REXO2: variants seen among roughly 807,000 people sequenced by gnomAD.
REXO2 encodes the protein RNA exonuclease 2.
Under a neutral mutation model 30.9 loss-of-function variants are expected in REXO2, and 17 were observed. That is an observed-to-expected ratio of 0.55 (90% confidence interval 0.38 to 0.82). The LOEUF is 0.82. Among genes scored for constraint, REXO2 ranks in the 40% least tolerant of loss-of-function variants. REXO2 has a pLI of 0.00. For missense variants in REXO2, 253 were observed against 293.2 expected (o/e 0.86, Z 1.00); for synonymous variants, 105 against 99.6 (o/e 1.05, Z -0.32).
At chr11:114,443,593 T>C (rs902346117) in intron 2 of REXO2, among the ~76,000 whole-genome samples, 10 of 151,966 alleles carry the variant, frequency 6.6e-5, no homozygotes, top group African/African-American at 2.4e-4. Flanking sequence ...ATAGCTGAAG[T>C]GTGGGGCCAT....
Position 114,439,547 on chromosome 11 carries a change from G to T in REXO2, c.19G>T (p.Gly7Cys). Residue 7 changes from glycine (G) to cysteine (C), a missense_variant, in exon 1 of 7, where the codon GGC becomes TGC. Transcript: ENST00000265881. Reference protein sequence around the residue: MLGGSLGSRLLRGVGGS... With the variant: MLGGSLCSRLLRGVGGS... ...CCGGGTGATGCTAGGCGGCTCCCTGGGCTCCAGGCTGTTGCGGGGTGTAGG... is the reference window on the plus strand; with the variant it reads ...CCGGGTGATGCTAGGCGGCTCCCTGTGCTCCAGGCTGTTGCGGGGTGTAGG... 1 of 1,608,456 alleles carries T rather than the reference G, an allele frequency of 6.2e-7. No homozygotes were observed. The highest frequency in any genetic ancestry group is 8.5e-7 in the Non-Finnish European group (1 of 1,179,510).
intron 2 of REXO2, among the ~76,000 whole-genome samples, chr11:114,443,341 C>A (rs530308637): frequency 6.7e-6 from 1 of 149,922 alleles, no homozygotes; most frequent in African/African-American, 2.5e-5. Context: ...TGGTCTTGAA[C>A]TACTGGCCTC....
chr11:114,444,395 G>T, intron 3 of REXO2, 146 bp from the exon 4 acceptor site: 1 of 669,042 alleles, frequency 1.5e-6, no homozygotes. Flanking sequence ...TGCAAAGATG[G>T]CAGTTGCAAT....
intron 1 of REXO2, chr11:114,440,255 A>G: frequency 4.8e-6 from 2 of 415,828 alleles, no homozygotes; most frequent in Admixed American, 2.9e-5. Context: ...CTCAGTTTAT[A>G]TGAAGTGAGG....
At chr11:114,449,457 A>G (rs1232064489) in intron 6 of REXO2, among the ~76,000 whole-genome samples, 3 of 151,932 alleles carry the variant, frequency 2.0e-5, no homozygotes, top group Non-Finnish European at 4.4e-5. Context: ...GAAATATAGG[A>G]CAGCTTCCTT....
Position 114,439,591 on chromosome 11 carries a change from C to T in REXO2, c.63C>T (p.Phe21=), listed in dbSNP as rs1360633205. Residue 21 remains phenylalanine, a synonymous_variant, in exon 1 of 7, where the codon TTC becomes TTT. Coordinates refer to ENST00000265881, the MANE Select transcript of REXO2 (RefSeq NM_015523.4). ...GTGTAGGTGGGAGTCACGGACGGTT[C>T]GGGGCCCGAGGTGTCCGCGAAGGTG... is the stretch of plus-strand genomic sequence containing the variant. ...LRGVGGSHGR[F]GARGVREGGA... The T allele has an allele frequency of 1.2e-6, 2 of 1,608,460 alleles. No individual in the cohort carries two copies. The highest frequency in any genetic ancestry group is 1.1e-5 in the South Asian group (1 of 90,890).
At chr11:114,449,053 A>G (rs1230649828) in intron 6 of REXO2, 1 of 152,244 alleles carries the variant, frequency 6.6e-6, no homozygotes, top group Admixed American at 6.5e-5. Flanking sequence ...CCCTTGGCCC[A>G]TGATTCAGAG....
At chr11:114,440,083 G>A (rs1565269731) in intron 1 of REXO2, 1 of 475,060 alleles carries the variant, frequency 2.1e-6, no homozygotes, top group Admixed American at 2.3e-5. Context: ...AGATGACTCA[G>A]CCTTACCCCT....
intron 1 of REXO2, 104 bp from the exon 2 acceptor site, chr11:114,440,552 A>T (rs1417251322): frequency 7.1e-6 from 6 of 844,988 alleles, no homozygotes; most frequent in Admixed American, 4.2e-5. Context: ...TCGGCTATGG[A>T]TTACAAGCTG....
chr11:114,442,035 T>TA (rs1245455125), intron 2 of REXO2: 8 of 450,552 alleles, frequency 1.8e-5, no homozygotes, highest in Admixed American at 7.6e-5. Context: ...TAATGTGAAA[T>TA]ACTGACAGTT....
intron 1 of REXO2, chr11:114,439,895 C>T (rs906737808): frequency 6.8e-6 from 4 of 590,726 alleles, no homozygotes; most frequent in East Asian, 2.9e-5. Flanking sequence ...AGGGAGGAGT[C>T]CTCCGTGTGG....
intron 5 of REXO2, among the ~76,000 whole-genome samples, chr11:114,447,498 G>A (rs1946517070): frequency 6.6e-6 from 1 of 152,112 alleles, no homozygotes; most frequent in Non-Finnish European, 1.5e-5. Flanking sequence ...ACAATGGTGG[G>A]TGTGTTTTGA....
chr11:114,449,666 A>G (rs1020584124), intron 6 of REXO2, among the ~76,000 whole-genome samples, 180 bp from the exon 7 acceptor site: 2 of 152,130 alleles, frequency 1.3e-5, no homozygotes, highest in Admixed American at 1.3e-4. Flanking sequence ...AAAGTTTTTA[A>G]AAAACAAAGC....
chr11:114,444,217 G>T (rs1300359444), intron 3 of REXO2: 2 of 609,964 alleles, frequency 3.3e-6, no homozygotes, highest in South Asian at 3.0e-5. Flanking sequence ...GATAAGGTTA[G>T]ACATCAACTT....
chr11:114,440,110 A>G, intron 1 of REXO2: 1 of 466,882 alleles, frequency 2.1e-6, no homozygotes, highest in Non-Finnish European at 4.3e-6. Flanking sequence ...ATAAGTGAGA[A>G]CATTGAGGCC....
At position 114,450,052 on chromosome 11, in the gene REXO2, T is replaced by C; in HGVS notation, c.*77T>C. On this transcript the variant is annotated 3_prime_UTR_variant, in exon 7 of 7. Coordinates refer to ENST00000265881, the MANE Select transcript of REXO2 (RefSeq NM_015523.4). ...GTTTTTTTTTCTCACGCTGATGGCT[T>C]GGCAGAGCACCTTCGGTTAACTTGC... is the stretch of plus-strand genomic sequence containing the variant. 1 of 1,456,120 alleles carries C rather than the reference T, an allele frequency of 6.9e-7. No individual in the cohort carries two copies. 90.2% of individuals were successfully genotyped at this position (1,456,120 alleles called of 1,614,324 possible). A position where few individuals can be genotyped will look rare whatever the true frequency, so the allele number is the denominator to read the frequency against.
intron 6 of REXO2, chr11:114,449,258 G>C: frequency 6.6e-6 from 1 of 152,190 alleles, no homozygotes; most frequent in Middle Eastern, 3.2e-3. Flanking sequence ...GATAATTGAT[G>C]TTTATTATGA....
intron 2 of REXO2, among the ~76,000 whole-genome samples, chr11:114,442,815 C>T (rs1319824480): frequency 6.6e-6 from 1 of 152,098 alleles, no homozygotes; most frequent in Non-Finnish European, 1.5e-5. Flanking sequence ...CTTGGATGTT[C>T]TATGAAATGG....
At chr11:114,448,013 A>G (rs901604877) in intron 6 of REXO2, 134 bp downstream of exon 6, 14 of 680,692 alleles carry the variant, frequency 2.1e-5, no homozygotes, top group Non-Finnish European at 3.0e-5. Flanking sequence ...TAAACATAAC[A>G]TTCTTTTACT....
Sources: gnomAD v4.1 joint callset for allele counts (sites outside exome capture counted in the v4.1 genomes callset) on GRCh38, gnomAD v4.1.1 for gene constraint, MANE v1.5 for transcripts, NCBI Gene and HGNC (gene_info 2026-07-23, HGNC 2026-07-21) for gene names.